The following CRPPA variants were observed in gnomAD, a reference collection of about 807,000 sequenced individuals.
The protein encoded by CRPPA is D-ribitol-5-phosphate cytidylyltransferase.
In CRPPA, 43 loss-of-function variants were observed where a neutral mutation model predicts 52.0. The ratio of observed to expected loss-of-function variants is 0.83; its 90% CI spans 0.65 to 1.07. The LOEUF is 1.07. Among genes scored for constraint, CRPPA ranks in the 50% least tolerant of loss-of-function variants. The pLI is 0.00. For synonymous variants in CRPPA, 250 were observed against 203.5 expected, an observed-to-expected ratio of 1.23 and a Z score of -1.94; for missense variants, 629 against 551.7, an observed-to-expected ratio of 1.14 and a Z score of -1.40.
chr7:16,366,231 G>A (rs549653772), intron 3 of CRPPA, among the ~76,000 whole-genome samples: 26 of 152,078 alleles, frequency 1.7e-4, no homozygotes, highest in Non-Finnish European at 1.3e-4. Context: ...ACCTCCCAAA[G>A]GTGCCACCTC....
intron 2 of CRPPA, among the ~76,000 whole-genome samples, chr7:16,386,205 G>A (rs946675178): frequency 1.9e-4 from 29 of 152,268 alleles, no homozygotes; most frequent in African/African-American, 6.7e-4. Context: ...TGGCTGTCCA[G>A]TGGTCAATCT....
At chr7:16,392,951 C>A (rs1460600310) in intron 2 of CRPPA, among the ~76,000 whole-genome samples, 1 of 152,106 alleles carries the variant, frequency 6.6e-6, no homozygotes, top group African/African-American at 2.4e-5. Flanking sequence ...TTAAACATTT[C>A]TTGACCACTT....
chr7:16,301,058 C>A (rs545505483), intron 5 of CRPPA, among the ~76,000 whole-genome samples: 1 of 152,164 alleles, frequency 6.6e-6, no homozygotes, highest in Non-Finnish European at 1.5e-5. Flanking sequence ...TCTAATGTAC[C>A]GACACGACAC....
chr7:16,320,154 G>C (rs1785229685), intron 3 of CRPPA, among the ~76,000 whole-genome samples: 1 of 152,012 alleles, frequency 6.6e-6, no homozygotes, highest in South Asian at 2.1e-4. Context: ...GCTTTAATGA[G>C]GTTTGAGTTA....
At chr7:16,337,221 C>G (rs1303398824) in intron 3 of CRPPA, among the ~76,000 whole-genome samples, 1 of 152,116 alleles carries the variant, frequency 6.6e-6, no homozygotes, top group Non-Finnish European at 1.5e-5. Flanking sequence ...ACATGTTACA[C>G]CACAAATCTT....
At chr7:16,374,302 C>A (rs562956811) in intron 3 of CRPPA, among the ~76,000 whole-genome samples, 1 of 152,248 alleles carries the variant, frequency 6.6e-6, no homozygotes, top group South Asian at 2.1e-4. Flanking sequence ...GTTCCCTCTG[C>A]CCTTGGACAT....
intron 9 of CRPPA, among the ~76,000 whole-genome samples, chr7:16,151,982 G>A (rs990754294): frequency 6.6e-6 from 1 of 151,886 alleles, no homozygotes; most frequent in Non-Finnish European, 1.5e-5. Context: ...TTTTAACGAA[G>A]TTGAACAACA....
chr7:16,200,138 G>A (rs547366586), intron 9 of CRPPA, among the ~76,000 whole-genome samples: 23 of 152,280 alleles, frequency 1.5e-4, no homozygotes, highest in Middle Eastern at 3.4e-3. Context: ...AATTAAAGGC[G>A]TAAGCCACTC....
At chr7:16,291,619 G>C (rs1784566481) in intron 5 of CRPPA, among the ~76,000 whole-genome samples, 1 of 151,650 alleles carries the variant, frequency 6.6e-6, no homozygotes, top group Non-Finnish European at 1.5e-5. Context: ...GGAGGTTAGT[G>C]GGTACAAACA....
intron 9 of CRPPA, among the ~76,000 whole-genome samples, chr7:16,207,704 T>A (rs1222022929): frequency 6.6e-6 from 1 of 152,192 alleles, no homozygotes; most frequent in Non-Finnish European, 1.5e-5. Context: ...TTTAGACTAT[T>A]TGTCATGCCA....
chr7:16,213,075 T>G (rs1328803138), intron 9 of CRPPA, among the ~76,000 whole-genome samples: 1 of 152,128 alleles, frequency 6.6e-6, no homozygotes, highest in Non-Finnish European at 1.5e-5. Context: ...CATTAAAAAG[T>G]CATTATAGAG....
At chr7:16,121,410 T>TA (rs1427583694) in intron 9 of CRPPA, among the ~76,000 whole-genome samples, 3 of 151,518 alleles carry the variant, frequency 2.0e-5, no homozygotes, top group South Asian at 2.1e-4. Context: ...TCCCAAAAAA[T>TA]AAAAAAAATT....
chr7:16,330,294 G>C (rs1395509522), intron 3 of CRPPA, among the ~76,000 whole-genome samples: 1 of 152,156 alleles, frequency 6.6e-6, no homozygotes, highest in East Asian at 1.9e-4. Context: ...TTCTCCAGAA[G>C]AATATTTAAA....
chr7:16,383,430 T>C (rs1787167545), intron 2 of CRPPA, among the ~76,000 whole-genome samples: 1 of 152,154 alleles, frequency 6.6e-6, no homozygotes, highest in African/African-American at 2.4e-5. Flanking sequence ...GTTAGGCTGC[T>C]TGGGGGTCAG....
intron 3 of CRPPA, among the ~76,000 whole-genome samples, chr7:16,327,158 CT>C (rs1421049796): frequency 6.6e-6 from 1 of 152,082 alleles, no homozygotes; most frequent in African/African-American, 2.4e-5. Context: ...TTTGCTTTCT[CT>C]TTTCTCAAGA....
In CRPPA at chr7:16,216,119, C is replaced by T. The variant is rs1453431411; in HGVS notation, c.1198G>A (p.Glu400Lys). Residue 400 changes from glutamate (E) to lysine (K), a missense_variant, in exon 9 of 10, where the codon GAA becomes AAA. Physicochemically the swap from Glu to Lys is moderately conservative, Grantham distance 56. Coordinates refer to ENST00000407010, the MANE Select transcript of CRPPA (RefSeq NM_001101426.4). ...NLMQIREFAK[E>K]VKERNILLYG... is the part of the protein sequence containing the mutation. ...AACAAAATATTTCTTTCTTTTACTTCCTTTGCAAATTCTCTAATCTGCATT... is the reference window on the plus strand; with the variant it reads ...AACAAAATATTTCTTTCTTTTACTTTCTTTGCAAATTCTCTAATCTGCATT... The T allele has an allele frequency of 6.3e-7, 1 of 1,599,524 alleles. No individual in the cohort carries two copies. The highest frequency in any genetic ancestry group is 2.2e-5 in the East Asian group (1 of 44,554).
In CRPPA at chr7:16,087,755, A is replaced by C. The variant is rs1240114584; in HGVS notation, c.*3940T>G. On this transcript the variant is annotated 3_prime_UTR_variant, in exon 10 of 10. Transcript: ENST00000407010. ...ATACTAACAAATCCTATATCAATTA[A>C]AATGCTTCATTATTCTGTTTTCAAA... is the stretch of plus-strand genomic sequence containing the variant. 6.6e-6 allele frequency: 1 copy of C among 152,138 alleles called. No homozygotes were observed. Among genetic ancestry groups the C allele is most frequent in the East Asian group, 1.9e-4 (1 of 5,200 alleles). The allele number at this position is 152,138 out of a possible 1,614,324, so 9.4% of individuals were successfully genotyped here.
intron 8 of CRPPA, among the ~76,000 whole-genome samples, chr7:16,217,441 G>C (rs1483966362): frequency 1.8e-4 from 26 of 147,276 alleles, no homozygotes. Context: ...GCTGGATGGA[G>C]AATGACTTTG....
At chr7:16,225,752 C>T (rs974022080) in intron 8 of CRPPA, among the ~76,000 whole-genome samples, 1 of 151,836 alleles carries the variant, frequency 6.6e-6, no homozygotes, top group African/African-American at 2.4e-5. Flanking sequence ...AAATACTAAA[C>T]AGTTTTACAG....
Sources: gnomAD v4.1 joint callset for allele counts (sites outside exome capture counted in the v4.1 genomes callset) on GRCh38, gnomAD v4.1.1 for gene constraint, MANE v1.5 for transcripts, NCBI Gene and HGNC (gene_info 2026-07-23, HGNC 2026-07-21) for gene names.